MED13L: variants seen among roughly 807,000 people sequenced by gnomAD.
MED13L encodes mediator of RNA polymerase II transcription subunit 13-like.
In MED13L, 7 loss-of-function variants were observed where a neutral mutation model predicts 220.9. That is an observed-to-expected ratio of 0.03 (90% CI 0.02 to 0.06). The LOEUF is 0.06. Ranked by LOEUF, MED13L falls within the 10% of genes least tolerant of loss-of-function variation. The probability of loss-of-function intolerance (pLI) is 1.00; values close to 1 mark genes in which losing one functional copy is unlikely to be tolerated. For synonymous variants in MED13L, 1,011 were observed against 1,015.2 expected (o/e 1.00, Z 0.08); for missense variants, 1,965 against 2,760.5 (o/e 0.71, Z 6.46).
intron 4 of MED13L, among the ~76,000 whole-genome samples, chr12:116,024,284 C>A (rs182734476): frequency 1.3e-5 from 2 of 152,198 alleles, no homozygotes; most frequent in East Asian, 1.9e-4. Context: ...TATTCACTAG[C>A]AAGAGACTGA....
At position 116,102,709 on chromosome 12, in the gene MED13L, T is replaced by C. The variant is rs868425154; in HGVS notation, c.396-5957A>G. 5.5e-3 allele frequency among the ~76,000 whole-genome samples: 474 copies of C among 85,604 alleles called. 5 individuals carry two copies. The highest frequency in any genetic ancestry group is 0.019 in the African/African-American group (456 of 23,776). 56.2% of individuals were successfully genotyped at this position (85,604 alleles called of 152,430 possible). ...ATATTTTCTTTTTCTTTTTCTTTTT[T>C]CTTTTTTTTTTTTTTTTTTTTTTTT... On this transcript the variant is annotated intron_variant, in intron 3 of 30. Transcript: ENST00000281928.
intron 4 of MED13L, among the ~76,000 whole-genome samples, chr12:116,025,611 A>G (rs1880341401): frequency 6.6e-6 from 1 of 152,226 alleles, no homozygotes; most frequent in Non-Finnish European, 1.5e-5. Flanking sequence ...ATGTTAAGTG[A>G]AACAGATCAG....
chr12:116,053,449 G>A (rs919063078), intron 4 of MED13L, among the ~76,000 whole-genome samples: 5 of 152,214 alleles, frequency 3.3e-5, no homozygotes, highest in Non-Finnish European at 7.3e-5. Context: ...GGACTTTTAG[G>A]ATTCGGATAA....
rs1348659919 is a variant in MED13L, at chr12:116,109,411, TTCTAA to T, written c.395+2012_395+2016del. Among the ~76,000 whole-genome samples the T allele has an allele frequency of 3.9e-5, 6 of 152,276 alleles. No individual in the cohort carries two copies. In the South Asian group the frequency reaches 1.2e-3, roughly 32 times the overall value. ...CCCCTCCCTCCCAGTTTTTCTGCTCTTCTAATTGTCTCTCGACAAAGAAACATGCT... is the reference window on the plus strand; with the variant it reads ...CCCCTCCCTCCCAGTTTTTCTGCTCTTTGTCTCTCGACAAAGAAACATGCT... On this transcript the variant is annotated intron_variant, in intron 3 of 30. Coordinates refer to ENST00000281928, the MANE Select transcript of MED13L (RefSeq NM_015335.5).
At chr12:115,992,057 T>A (rs373426860) in intron 16 of MED13L, 100 bp from the exon 17 acceptor site, 1 of 1,066,734 alleles carries the variant, frequency 9.4e-7, no homozygotes, top group Non-Finnish European at 1.4e-6. Flanking sequence ...TTTCTTATCA[T>A]TTGTTTCTGC....
intron 2 of MED13L, among the ~76,000 whole-genome samples, chr12:116,211,288 G>A (rs768596904): frequency 6.6e-6 from 1 of 152,058 alleles, no homozygotes; most frequent in Non-Finnish European, 1.5e-5. Context: ...CTGACACCAG[G>A]GATCTGAATT....
rs560680231 is a variant in MED13L at position 116,091,189 on chromosome 12, A to C, written c.479+5480T>G. On this transcript the variant is annotated intron_variant, in intron 4 of 30. Transcript: ENST00000281928. ...TTTTACTATAAAAAAGAATTTAAAA[A>C]ACAAGGTATCTCTTTTACTATAAGG... 8.5e-5 allele frequency among the ~76,000 whole-genome samples: 13 copies of C among 152,068 alleles called. No homozygotes were observed. The East Asian group carries it at 2.3e-3, about 27-fold the overall frequency.
chr12:116,172,619 G>A (rs1171336395), intron 2 of MED13L, among the ~76,000 whole-genome samples: 1 of 152,106 alleles, frequency 6.6e-6, no homozygotes, highest in Non-Finnish European at 1.5e-5. Flanking sequence ...GAAAAGTGTT[G>A]AAGGCAAAAA....
chr12:116,025,367 T>C (rs1880325100), intron 4 of MED13L, among the ~76,000 whole-genome samples: 2 of 152,198 alleles, frequency 1.3e-5, no homozygotes, highest in South Asian at 2.1e-4. Context: ...GATCCTGTAA[T>C]CCCACCACTG....
intron 3 of MED13L, among the ~76,000 whole-genome samples, chr12:116,101,282 T>C (rs1045380995): frequency 2.0e-5 from 3 of 152,234 alleles, no homozygotes; most frequent in African/African-American, 7.2e-5. Context: ...AGACGGTGTG[T>C]GTCTGTCTTA....
At chr12:116,007,365 G>T (rs2137377966) in intron 11 of MED13L, 46 bp downstream of exon 11, 1 of 1,547,562 alleles carries the variant, frequency 6.5e-7, no homozygotes, top group Non-Finnish European at 8.9e-7. Flanking sequence ...TACTGACATA[G>T]ATAGAAACCC....
At chr12:116,247,688 C>CAT (rs1871206850) in intron 1 of MED13L, among the ~76,000 whole-genome samples, 1 of 146,786 alleles carries the variant, frequency 6.8e-6, no homozygotes. Flanking sequence ...AAGATGCTAA[C>CAT]GTATATATAT....
intron 2 of MED13L, among the ~76,000 whole-genome samples, chr12:116,124,537 A>G (rs951678260): frequency 6.6e-6 from 1 of 152,168 alleles, no homozygotes; most frequent in African/African-American, 2.4e-5. Flanking sequence ...TTACTAGATA[A>G]TAATTTGTTT....
chr12:116,235,810 A>G (rs1870029515), intron 2 of MED13L, among the ~76,000 whole-genome samples: 1 of 152,186 alleles, frequency 6.6e-6, no homozygotes, highest in Non-Finnish European at 1.5e-5. Context: ...ATTATCAACT[A>G]AATAACCCTC....
intron 4 of MED13L, among the ~76,000 whole-genome samples, chr12:116,058,602 GT>G (rs985629820): frequency 6.6e-6 from 1 of 152,058 alleles, no homozygotes; most frequent in Admixed American, 6.5e-5. Flanking sequence ...CCCACAATAC[GT>G]TTTTGAAGAT....
chr12:116,155,061 A>C (rs1878325115), intron 2 of MED13L, among the ~76,000 whole-genome samples: 1 of 152,122 alleles, frequency 6.6e-6, no homozygotes, highest in Admixed American at 6.6e-5. Context: ...TCTTGACCTC[A>C]AGTGATCCAC....
At chr12:116,238,308 A>G (rs1447620792) in intron 1 of MED13L, among the ~76,000 whole-genome samples, 4 of 152,368 alleles carry the variant, frequency 2.6e-5, no homozygotes, top group Admixed American at 6.5e-5. Flanking sequence ...CTTTGCTTCT[A>G]TAACAATTCC....
chr12:116,035,676 G>A (rs1021764317), intron 4 of MED13L, among the ~76,000 whole-genome samples: 3 of 151,702 alleles, frequency 2.0e-5, no homozygotes, highest in East Asian at 1.9e-4. Context: ...CTGCAGCCTC[G>A]ACCTCCCAAG....
At chr12:116,097,198 G>A (rs1272288590) in intron 3 of MED13L, among the ~76,000 whole-genome samples, 1 of 151,808 alleles carries the variant, frequency 6.6e-6, no homozygotes. Context: ...TAGGCTGGAG[G>A]GCAGTGGTGC....
Sources: allele counts gnomAD v4.1 joint callset (sites outside exome capture counted in the v4.1 genomes callset), GRCh38; gene constraint gnomAD v4.1.1; transcripts MANE v1.5; gene names NCBI Gene and HGNC (gene_info 2026-07-23, HGNC 2026-07-21).